Variants in LIFR observed in about 807,000 individuals in gnomAD.
LIFR encodes LIF receptor subunit alpha.
Under a neutral mutation model 122.2 loss-of-function variants are expected in LIFR, and 84 were observed. The observed-to-expected ratio is 0.69, with a 90% CI of 0.58 to 0.82. The LOEUF is 0.82. LIFR is among the 40% of genes least tolerant of loss of function. LIFR has a pLI of 0.00. For missense variants in LIFR, 1,294 were observed against 1,311.6 expected (o/e 0.99, Z 0.21); for synonymous variants, 422 against 434.7 (o/e 0.97, Z 0.36).
At chr5:38,508,696 CT>C in intron 7 of LIFR, among the ~76,000 whole-genome samples, 1 of 152,168 alleles carries the variant, frequency 6.6e-6, no homozygotes, top group Non-Finnish European at 1.5e-5. Context: ...CCTGCCTCAG[CT>C]TCCCGAGTAG....
intron 1 of LIFR, among the ~76,000 whole-genome samples, chr5:38,568,167 A>G (rs774695547): frequency 6.6e-6 from 1 of 152,238 alleles, no homozygotes; most frequent in East Asian, 1.9e-4. Flanking sequence ...GAAAGAGACC[A>G]TGCATAAACA....
intron 1 of LIFR, among the ~76,000 whole-genome samples, chr5:38,566,633 T>A (rs1277715420): frequency 6.6e-6 from 1 of 152,180 alleles, no homozygotes; most frequent in Non-Finnish European, 1.5e-5. Context: ...TTAGAACCCT[T>A]AGTTCATTGT....
Position 38,484,820 on chromosome 5 carries a change from A to G in LIFR, c.2546T>C (p.Ile849Thr), listed in dbSNP as rs976696969. ...AILIPVAVAV[I>T]VGVVTSILCY... The stretch of plus-strand genomic sequence containing the variant: ...AAGGATACTTGTCACCACTCCAACA[A>G]TGACAGCCACTGCCACTGGGATGAG... The change falls in exon 18 of 20, where the codon ATT becomes ACT. Residue 849 changes from isoleucine (I) to threonine (T), a missense_variant. Physicochemically the swap from Ile to Thr is moderately conservative, Grantham distance 89. Coordinates refer to ENST00000453190, the MANE Select transcript of LIFR (RefSeq NM_001127671.2). 4 of 1,613,600 alleles carry G rather than the reference A, an allele frequency of 2.5e-6. No homozygotes were observed. The African/African-American group carries it at 4.0e-5, about 16-fold the overall frequency.
At chr5:38,509,303 G>GC (rs1741828127) in intron 7 of LIFR, among the ~76,000 whole-genome samples, 4 of 152,276 alleles carry the variant, frequency 2.6e-5, no homozygotes, top group Middle Eastern at 3.4e-3. Context: ...GAGAAATGTT[G>GC]CAAGTAATTT....
Position 38,490,218 on chromosome 5 carries a change from G to A in LIFR, c.2139C>T (p.Arg713=), listed in dbSNP as rs192358829. 9.1e-5 allele frequency: 143 copies of A among 1,568,294 alleles called. 2 individuals carry two copies. The highest frequency in any genetic ancestry group is 3.7e-4 in the Admixed American group (22 of 59,290). ...ATTCTTCTATATATCCAATCATGGA[G>A]CGTAATAATTGATATCCTTGATTTC... ...GCRNQGYQLL[R]SMIGYIEELA... is the part of the protein sequence containing the mutation. The change falls in exon 15 of 20, where the codon CGC becomes CGT. Residue 713 remains arginine, a synonymous_variant. Transcript: ENST00000453190.
At chr5:38,491,963 A>T (rs566747668) in intron 14 of LIFR, among the ~76,000 whole-genome samples, 4 of 152,266 alleles carry the variant, frequency 2.6e-5, no homozygotes, top group South Asian at 4.2e-4. Context: ...CTGACACTTT[A>T]AAAAAAGAGG....
At position 38,498,076 on chromosome 5, in the gene LIFR, A is replaced by G. The variant is rs573831418; in HGVS notation, c.1671+1437T>C. On this transcript the variant is annotated intron_variant, in intron 12 of 19. Transcript: ENST00000453190. ...AACAACTGCCTTAATTTATACACCA[A>G]TGTATGGGGCTCTCTGGTCAAGACT... is the stretch of plus-strand genomic sequence containing the variant. 1.8e-4 allele frequency among the ~76,000 whole-genome samples: 27 copies of G among 152,268 alleles called. No homozygotes were observed. In the South Asian group the frequency reaches 5.6e-3, roughly 32 times the overall value.
chr5:38,568,345 C>T (rs941159775), intron 1 of LIFR, among the ~76,000 whole-genome samples: 1 of 152,098 alleles, frequency 6.6e-6, no homozygotes, highest in Non-Finnish European at 1.5e-5. Flanking sequence ...TGAAATGAGA[C>T]AAGGGCCTAT....
At chr5:38,516,938 T>A (rs1263830401) in intron 5 of LIFR, among the ~76,000 whole-genome samples, 1 of 152,138 alleles carries the variant, frequency 6.6e-6, no homozygotes, top group Non-Finnish European at 1.5e-5. Context: ...GCCATCATTC[T>A]CAGCAAACTA....
intron 1 of LIFR, among the ~76,000 whole-genome samples, chr5:38,572,617 G>A (rs1246116607): frequency 6.6e-6 from 1 of 152,164 alleles, no homozygotes; most frequent in Non-Finnish European, 1.5e-5. Flanking sequence ...TGCTCCTTCT[G>A]TGCGGGCCTG....
chr5:38,603,120 C>T (rs1459027430), intron 2 of LIFR, among the ~76,000 whole-genome samples: 2 of 152,192 alleles, frequency 1.3e-5, no homozygotes, highest in Non-Finnish European at 2.9e-5. Context: ...CTATAAAGTC[C>T]CAGGGTCAAG....
At chr5:38,484,945 T>C (rs909452209) in intron 17 of LIFR, 77 bp from the exon 18 acceptor site, 97 of 983,072 alleles carry the variant, frequency 9.9e-5, no homozygotes, top group Non-Finnish European at 1.5e-4. Flanking sequence ...TTAGAAGGTA[T>C]TTAGGTTGGT....
Position 38,493,802 on chromosome 5 carries a change from G to A in LIFR, c.1886-17C>T, listed in dbSNP as rs1233193271. ...TGAGATCATCTTCAATAAGAAAGGA[G>A]GATATTTTACTGGCATTAAAAACAA... On this transcript the variant is annotated splice_polypyrimidine_tract_variant and intron_variant, in intron 13 of 19. Coordinates refer to ENST00000453190, the MANE Select transcript of LIFR (RefSeq NM_001127671.2). The A allele has an allele frequency of 2.5e-6, 4 of 1,608,594 alleles. No individual in the cohort carries two copies. The East Asian group carries it at 8.9e-5, about 36-fold the overall frequency.
At chr5:38,550,131 T>C (rs529380057) in intron 1 of LIFR, 1 of 284,518 alleles carries the variant, frequency 3.5e-6, no homozygotes, top group East Asian at 1.7e-4. Context: ...TGATGAGTAA[T>C]ACAAAATTGC....
At chr5:38,592,656 CAAAA>C (rs3079290) in intron 1 of LIFR, among the ~76,000 whole-genome samples, 7 of 115,832 alleles carry the variant, frequency 6.0e-5, no homozygotes, top group Admixed American at 8.4e-5. Flanking sequence ...GACTCCGTCT[CAAAA>C]AAAAAAAAAA....
chr5:38,481,873 G>C lies in LIFR; in HGVS notation c.3016C>G (p.His1006Asp). The C allele has an allele frequency of 6.2e-7, 1 of 1,614,124 alleles. No homozygotes were observed. Among genetic ancestry groups the C allele is most frequent in the Non-Finnish European group, 8.5e-7 (1 of 1,180,026 alleles). The change falls in exon 20 of 20, where the codon CAC becomes GAC. Residue 1006 changes from histidine to aspartate, a missense_variant. His to Asp is a moderately conservative substitution (Grantham distance 81). Transcript: ENST00000453190. ...TCCACAGTAGAATTAATGGGGAGGT[G>C]CATCTGTGGCTTATAGCCTGCCCCT... ...VGGAGYKPQM[H>D]LPINSTVEDI...
chr5:38,493,213 T>C (rs1368836262), intron 14 of LIFR, among the ~76,000 whole-genome samples: 1 of 144,758 alleles, frequency 6.9e-6, no homozygotes, highest in Non-Finnish European at 1.5e-5. Flanking sequence ...AGTTCCGTAG[T>C]TTTTTTTTTT....
At chr5:38,527,090 G>A (rs919105358) in intron 4 of LIFR, 65 bp downstream of exon 4, 3 of 1,412,310 alleles carry the variant, frequency 2.1e-6, no homozygotes, top group South Asian at 1.3e-5. Context: ...AAACTAGAAA[G>A]CACCACAATA....
chr5:38,577,378 C>T (rs1749421843), intron 1 of LIFR, among the ~76,000 whole-genome samples: 1 of 152,194 alleles, frequency 6.6e-6, no homozygotes, highest in Non-Finnish European at 1.5e-5. Context: ...TATTCCCTAC[C>T]CAGCTCTCAG....
Sources: allele counts gnomAD v4.1 joint callset (sites outside exome capture counted in the v4.1 genomes callset), GRCh38; gene constraint gnomAD v4.1.1; transcripts MANE v1.5; gene names NCBI Gene and HGNC (gene_info 2026-07-23, HGNC 2026-07-21).